XKR6: variants seen among roughly 807,000 people sequenced by gnomAD.
XKR6 encodes XK-related protein 6.
In XKR6, 22 loss-of-function variants were observed where a neutral mutation model predicts 56.7. The ratio of observed to expected loss-of-function variants is 0.39; its 90% CI spans 0.28 to 0.55. The LOEUF is 0.55. Among genes scored for constraint, XKR6 ranks in the 20% least tolerant of loss-of-function variants. XKR6 has a pLI of 0.66. For synonymous variants in XKR6, 524 were observed against 387.8 expected (o/e 1.35, Z -4.13); for missense variants, 852 against 889.0 (o/e 0.96, Z 0.53).
chr8:11,114,070 G>A (rs1228703693), intron 1 of XKR6: 1 of 443,286 alleles, frequency 2.3e-6, no homozygotes. Flanking sequence ...TTCAGGCTGA[G>A]GCCTCATGTC....
chr8:10,946,919 G>T (rs986245969), intron 1 of XKR6, among the ~76,000 whole-genome samples: 1 of 152,176 alleles, frequency 6.6e-6, no homozygotes, highest in African/African-American at 2.4e-5. Flanking sequence ...GGGAAAGAGG[G>T]TGCTCCAGGT....
intron 1 of XKR6, chr8:11,111,797 AAAC>A (rs1447310695): frequency 4.6e-5 from 7 of 152,166 alleles, no homozygotes; most frequent in Admixed American, 6.5e-5. Context: ...AGATATGTGA[AAAC>A]AACATAATTT....
chr8:10,912,664 CTA>C (rs1169993790), intron 2 of XKR6, among the ~76,000 whole-genome samples: 2 of 117,542 alleles, frequency 1.7e-5, no homozygotes, highest in East Asian at 2.3e-4. Flanking sequence ...ATATGTGTGT[CTA>C]TATATATAGA....
chr8:11,160,737 G>A (rs1300313291), intron 1 of XKR6, among the ~76,000 whole-genome samples: 18 of 151,850 alleles, frequency 1.2e-4, no homozygotes, highest in African/African-American at 4.1e-4. Flanking sequence ...CTGAAACCCC[G>A]TCTCTACTAA....
chr8:11,004,086 G>C (rs1310223279), intron 1 of XKR6, among the ~76,000 whole-genome samples: 1 of 152,184 alleles, frequency 6.6e-6, no homozygotes, highest in Non-Finnish European at 1.5e-5. Flanking sequence ...TGTCCACTGA[G>C]CCCTGAGCTG....
chr8:10,977,084 G>A (rs1361946695), intron 1 of XKR6, among the ~76,000 whole-genome samples: 2 of 152,184 alleles, frequency 1.3e-5, no homozygotes, highest in African/African-American at 2.4e-5. Context: ...AGATCACACA[G>A]CTGGTGAGGT....
rs199821967 is a variant in XKR6, at chr8:10,911,190, G to C, written c.962-12274C>G. ...TTTTGAGTATATATACATATAGAGA[G>C]AGGGTGTGCGTGTGTGTGTGTGTGT... On this transcript the variant is annotated intron_variant, in intron 2 of 2. Coordinates refer to ENST00000416569, the MANE Select transcript of XKR6 (RefSeq NM_173683.4). 4.8e-5 allele frequency among the ~76,000 whole-genome samples: 7 copies of C among 145,792 alleles called. No homozygotes were observed. In the East Asian group the frequency reaches 9.8e-4, roughly 20 times the overall value.
chr8:11,128,075 C>T lies in XKR6; in HGVS notation c.764+72501G>A, dbSNP rs965598188. On this transcript the variant is annotated intron_variant, in intron 1 of 2. Transcript: ENST00000416569. ...AAGAGTTAAGCCATCAAAATCTTTA[C>T]GGCTTTACCAATTAATACGGGACTA... Among the ~76,000 whole-genome samples, 5 of 152,272 alleles carry T rather than the reference C, an allele frequency of 3.3e-5. 1 individual carries two copies. In the Middle Eastern group the frequency reaches 0.01, roughly 311 times the overall value.
chr8:11,037,363 C>T (rs1044670896), intron 1 of XKR6, among the ~76,000 whole-genome samples: 1 of 152,178 alleles, frequency 6.6e-6, no homozygotes, highest in African/African-American at 2.4e-5. Flanking sequence ...GTAGCTGAGA[C>T]TACAGGTGCA....
chr8:10,909,312 T>A (rs543682236), intron 2 of XKR6, among the ~76,000 whole-genome samples: 10 of 152,294 alleles, frequency 6.6e-5, no homozygotes, highest in African/African-American at 2.4e-4. Flanking sequence ...ATGAGCCAAA[T>A]ACGCTTCTAT....
At chr8:11,138,590 T>C (rs1800522835) in intron 1 of XKR6, 1 of 152,236 alleles carries the variant, frequency 6.6e-6, no homozygotes, top group Non-Finnish European at 1.5e-5. Context: ...AAACTGTCTC[T>C]TATTTAATTT....
At chr8:10,954,068 T>G (rs546757312) in intron 1 of XKR6, among the ~76,000 whole-genome samples, 1 of 152,378 alleles carries the variant, frequency 6.6e-6, no homozygotes, top group African/African-American at 2.4e-5. Context: ...CATCAGTTGA[T>G]AGACATTTGA....
intron 1 of XKR6, among the ~76,000 whole-genome samples, chr8:10,988,786 C>T (rs1797922356): frequency 6.6e-6 from 1 of 152,150 alleles, no homozygotes; most frequent in African/African-American, 2.4e-5. Flanking sequence ...AGAACATAAC[C>T]TCAAAACATG....
chr8:11,193,603 C>T (rs971841739), intron 1 of XKR6, among the ~76,000 whole-genome samples: 1 of 151,988 alleles, frequency 6.6e-6, no homozygotes, highest in African/African-American at 2.4e-5. Flanking sequence ...ATTCACTTAA[C>T]AGAATTATTT....
chr8:10,898,771 T>C lies in XKR6; in HGVS notation c.1107A>G (p.Ser369=). ...IQVFWRLFTI[S]SRVISFALFA... Reference sequence around the variant, plus strand: ...AGAGGGCAAAAGAGATCACTCGGGATGAGATGGTGAAGAGGCGCCAGAAGA... The same window carrying C: ...AGAGGGCAAAAGAGATCACTCGGGACGAGATGGTGAAGAGGCGCCAGAAGA... Residue 369 remains serine, a synonymous_variant, in exon 3 of 3, where the codon TCA becomes TCG. Coordinates refer to ENST00000416569, the MANE Select transcript of XKR6 (RefSeq NM_173683.4). This position sits in a 1 kb window ranked among gnomAD's most constrained non-coding sequence, Gnocchi z 6.6. 6.2e-7 allele frequency: 1 copy of C among 1,614,044 alleles called. No individual in the cohort carries two copies. The highest frequency in any genetic ancestry group is 8.5e-7 in the Non-Finnish European group (1 of 1,180,006).
chr8:10,951,258 G>A (rs1027384573), intron 1 of XKR6, among the ~76,000 whole-genome samples: 2 of 150,966 alleles, frequency 1.3e-5, no homozygotes, highest in African/African-American at 4.9e-5. Context: ...AAGGGCTGTG[G>A]GGAAAATAAA....
chr8:11,098,413 T>C (rs1183136951), intron 1 of XKR6, among the ~76,000 whole-genome samples: 1 of 152,158 alleles, frequency 6.6e-6, no homozygotes, highest in Non-Finnish European at 1.5e-5. Flanking sequence ...GTCCTATTTT[T>C]AGCAGTCTCG....
At chr8:11,004,913 T>C (rs982352284) in intron 1 of XKR6, among the ~76,000 whole-genome samples, 2 of 152,208 alleles carry the variant, frequency 1.3e-5, no homozygotes, top group African/African-American at 2.4e-5. Flanking sequence ...GCAGACCTTA[T>C]GCTAAATGAA....
chr8:10,984,995 A>G (rs1322542194), intron 1 of XKR6, among the ~76,000 whole-genome samples: 1 of 151,878 alleles, frequency 6.6e-6, no homozygotes, highest in Non-Finnish European at 1.5e-5. Context: ...GCTGCAGTGC[A>G]GTAGTGCAAT....
Sources: gnomAD v4.1 joint callset for allele counts (sites outside exome capture counted in the v4.1 genomes callset) on GRCh38, gnomAD v4.1.1 for gene constraint, Gnocchi (gnomAD v3.1) non-coding constraint, MANE v1.5 for transcripts, NCBI Gene and HGNC (gene_info 2026-07-23, HGNC 2026-07-21) for gene names.